Variants in PHYHIP observed in about 807,000 individuals in gnomAD.
The protein encoded by PHYHIP is phytanoyl-CoA 2-hydroxylase interacting protein, also known as phytanoyl-CoA hydroxylase-interacting protein.
Under a neutral mutation model 26.1 loss-of-function variants are expected in PHYHIP, and 7 were observed. The ratio of observed to expected loss-of-function variants is 0.27; its 90% CI spans 0.15 to 0.50. The LOEUF (loss-of-function observed/expected upper bound fraction) is 0.50. PHYHIP is among the 20% of genes least tolerant of loss of function. The probability of loss-of-function intolerance (pLI) is 0.98; values close to 1 mark genes in which losing one functional copy is unlikely to be tolerated. For synonymous variants in PHYHIP, 206 were observed against 183.4 expected, an observed-to-expected ratio of 1.12 and a Z score of -1.00; for missense variants, 232 against 454.7, an observed-to-expected ratio of 0.51 and a Z score of 4.45.
intron 1 of PHYHIP, among the ~76,000 whole-genome samples, chr8:22,229,538 C>T (rs1357811554): frequency 6.6e-6 from 1 of 152,142 alleles, no homozygotes; most frequent in African/African-American, 2.4e-5. Context: ...TCTGGCCTGG[C>T]TGGCCTAGCT....
chr8:22,221,264 A>G lies in PHYHIP; in HGVS notation c.*89T>C, dbSNP rs930528472. Reference sequence around the variant, plus strand: ...GGCAGAGTGGAGGGAGCAGGGGGGCAGGAGAGAGAAAGCCAGCTCCCTGAA... The same window carrying G: ...GGCAGAGTGGAGGGAGCAGGGGGGCGGGAGAGAGAAAGCCAGCTCCCTGAA... On this transcript the variant is annotated 3_prime_UTR_variant, in exon 5 of 5. Transcript: ENST00000454243. The surrounding 1 kb of genome is among the most constrained non-coding windows in gnomAD (Gnocchi z 7.9). 1.0e-5 allele frequency: 12 copies of G among 1,200,054 alleles called. No homozygotes were observed. The Admixed American group carries it at 1.6e-4, about 16-fold the overall frequency. The allele number at this position is 1,200,054 out of a possible 1,614,324, so 74.3% of individuals were successfully genotyped here. A position where few individuals can be genotyped will look rare whatever the true frequency, so the allele number is the denominator to read the frequency against.
Position 22,224,299 on chromosome 8 carries a change from G to C in PHYHIP, c.385C>G (p.Gln129Glu). Residue 129 changes from glutamine (Q) to glutamate (E), a missense_variant, in exon 4 of 5, where the codon CAG becomes GAG. By Grantham distance (29) the Gln-to-Glu change is conservative. Coordinates refer to ENST00000454243, the MANE Select transcript of PHYHIP (RefSeq NM_014759.5). ...HLAQLQEKAE[Q>E]IAGRMLRFSV... ...AAGCGGAGCATGCGGCCTGCGATCTGCTCAGCTTTCTCCTGAAGCTGAGCC... is the reference window on the plus strand; with the variant it reads ...AAGCGGAGCATGCGGCCTGCGATCTCCTCAGCTTTCTCCTGAAGCTGAGCC... 1 of 1,612,108 alleles carries C rather than the reference G, an allele frequency of 6.2e-7. No individual in the cohort carries two copies. Among genetic ancestry groups the C allele is most frequent in the Non-Finnish European group, 8.5e-7 (1 of 1,178,680 alleles).
At chr8:22,224,908 G>C (rs1447311045) in intron 3 of PHYHIP, among the ~76,000 whole-genome samples, 1 of 152,144 alleles carries the variant, frequency 6.6e-6, no homozygotes, top group Non-Finnish European at 1.5e-5. Flanking sequence ...AGGAGAAACA[G>C]GGAAGGCTGG....
At chr8:22,229,341 T>C (rs1829822929) in intron 1 of PHYHIP, among the ~76,000 whole-genome samples, 1 of 152,220 alleles carries the variant, frequency 6.6e-6, no homozygotes, top group African/African-American at 2.4e-5. Flanking sequence ...TGGGTGCCCA[T>C]GGTGTTTCCA....
chr8:22,223,459 T>C (rs1829675314), intron 4 of PHYHIP, among the ~76,000 whole-genome samples: 1 of 150,098 alleles, frequency 6.7e-6, no homozygotes, highest in Non-Finnish European at 1.5e-5. Context: ...CCGGGGATGG[T>C]GGGTACTCCT....
intron 4 of PHYHIP, 40 bp downstream of exon 4, chr8:22,224,186 G>T: frequency 8.4e-7 from 1 of 1,188,736 alleles, no homozygotes; most frequent in South Asian, 1.2e-5. Context: ...TGGGAGGGAG[G>T]AGAGGCCCGG....
chr8:22,231,350 C>T (rs1055274318), intron 1 of PHYHIP, among the ~76,000 whole-genome samples: 1 of 152,222 alleles, frequency 6.6e-6, no homozygotes, highest in Admixed American at 6.5e-5. Context: ...TCACGTGTGC[C>T]AGAAAGATAT....
chr8:22,221,219 G>T lies in PHYHIP; in HGVS notation c.*134C>A. The T allele has an allele frequency of 1.2e-6, 1 of 830,606 alleles. No homozygotes were observed. Among genetic ancestry groups the T allele is most frequent in the Non-Finnish European group, 1.8e-6 (1 of 552,362 alleles). 51.5% of individuals were successfully genotyped at this position (830,606 alleles called of 1,614,324 possible). A position where few individuals can be genotyped will look rare whatever the true frequency, so the allele number is the denominator to read the frequency against. ...ACCGTCTGTTGCCTCCAATGCCAAG[G>T]GGCGAGGGGAGGGCAGCTGGGCAGA... On this transcript the variant is annotated 3_prime_UTR_variant, in exon 5 of 5. Coordinates refer to ENST00000454243, the MANE Select transcript of PHYHIP (RefSeq NM_014759.5). The surrounding 1 kb of genome is among the most constrained non-coding windows in gnomAD (Gnocchi z 7.9).
intron 4 of PHYHIP, among the ~76,000 whole-genome samples, chr8:22,223,389 C>T (rs1347393056): frequency 2.0e-5 from 3 of 149,214 alleles, no homozygotes; most frequent in African/African-American, 7.5e-5. Context: ...AAAGGCAGAG[C>T]AGCTGCTTGC....
intron 1 of PHYHIP, among the ~76,000 whole-genome samples, chr8:22,229,356 G>T (rs573866030): frequency 1.3e-5 from 2 of 152,108 alleles, no homozygotes; most frequent in African/African-American, 4.8e-5. Context: ...TTTCCACCTG[G>T]CATTTTTCCT....
Position 22,221,710 on chromosome 8 carries a change from G to A in PHYHIP, c.636C>T (p.Arg212=). Residue 212 remains arginine (R), a synonymous_variant, in exon 5 of 5, where the codon CGC becomes CGT. Coordinates refer to ENST00000454243, the MANE Select transcript of PHYHIP (RefSeq NM_014759.5). This position sits in a 1 kb window ranked among gnomAD's most constrained non-coding sequence, Gnocchi z 7.9. The part of the protein sequence containing the change: ...GRWRFQIPAQ[R]LFNPSTNLYF... ...AGAGGTTGGTGCTGGGATTGAAGAGGCGCTGAGCTGGGATCTGGAAGCGCC... is the reference window on the plus strand; with the variant it reads ...AGAGGTTGGTGCTGGGATTGAAGAGACGCTGAGCTGGGATCTGGAAGCGCC... 1 of 1,613,256 alleles carries A rather than the reference G, an allele frequency of 6.2e-7. No individual in the cohort carries two copies. Among genetic ancestry groups the A allele is most frequent in the Non-Finnish European group, 8.5e-7 (1 of 1,179,796 alleles).
rs1441300350 is a variant in PHYHIP, at chr8:22,220,185, G to C, written c.*1168C>G. 1 of 152,408 alleles carries C rather than the reference G, an allele frequency of 6.6e-6. No homozygotes were observed. The highest frequency in any genetic ancestry group is 1.5e-5 in the Non-Finnish European group (1 of 68,208). 9.4% of individuals were successfully genotyped at this position (152,408 alleles called of 1,614,324 possible). ...AGCCCCTCCCACAGGCTCTCTGTTT[G>C]CTTTGTTGATTGTAGGGAGTCCACC... On this transcript the variant is annotated 3_prime_UTR_variant, in exon 5 of 5. Coordinates refer to ENST00000454243, the MANE Select transcript of PHYHIP (RefSeq NM_014759.5).
chr8:22,228,368 G>C lies in PHYHIP; in HGVS notation c.-11C>G. ...GGACAGCAGCTCCATGCTCCCGTCA[G>C]GGTTGTCTCCTGTGGGGACTGAGGA... On this transcript the variant is annotated 5_prime_UTR_variant, in exon 2 of 5. Transcript: ENST00000454243. The C allele has an allele frequency of 6.3e-7, 1 of 1,578,250 alleles. No individual in the cohort carries two copies. Among genetic ancestry groups the C allele is most frequent in the Admixed American group, 1.8e-5 (1 of 54,420 alleles).
Position 22,221,296 on chromosome 8 carries a change from C to T in PHYHIP, c.*57G>A. 13 of 1,481,828 alleles carry T rather than the reference C, an allele frequency of 8.8e-6. No individual in the cohort carries two copies. Among genetic ancestry groups the T allele is most frequent in the Non-Finnish European group, 1.2e-5 (13 of 1,106,516 alleles). The allele number at this position is 1,481,828 out of a possible 1,614,324, so 91.8% of individuals were successfully genotyped here. A position where few individuals can be genotyped will look rare whatever the true frequency, so the allele number is the denominator to read the frequency against. ...AGAAAGCCAGCTCCCTGAACCTGGG[C>T]TACCCACCTCCACCTTCCGCTCATC... On this transcript the variant is annotated 3_prime_UTR_variant, in exon 5 of 5. Coordinates refer to ENST00000454243, the MANE Select transcript of PHYHIP (RefSeq NM_014759.5). The surrounding 1 kb of genome is among the most constrained non-coding windows in gnomAD (Gnocchi z 7.9).
chr8:22,221,739 G>A lies in PHYHIP; in HGVS notation c.607C>T (p.Arg203Cys). 3.1e-6 allele frequency: 5 copies of A among 1,613,254 alleles called. No individual in the cohort carries two copies. Among genetic ancestry groups the A allele is most frequent in the Non-Finnish European group, 4.2e-6 (5 of 1,179,792 alleles). Residue 203 changes from arginine (R) to cysteine (C), a missense_variant, in exon 5 of 5, where the codon CGC becomes TGC. Coordinates refer to ENST00000454243, the MANE Select transcript of PHYHIP (RefSeq NM_014759.5). This position sits in a 1 kb window ranked among gnomAD's most constrained non-coding sequence, Gnocchi z 7.9. The part of the protein sequence containing the change: ...GQPPQDSPYG[R>C]WRFQIPAQRL... Reference sequence around the variant, plus strand: ...TGAGCTGGGATCTGGAAGCGCCAGCGGCCGTAGGGGGAGTCCTGCGGGGGC... The same window carrying A: ...TGAGCTGGGATCTGGAAGCGCCAGCAGCCGTAGGGGGAGTCCTGCGGGGGC...
intron 1 of PHYHIP, among the ~76,000 whole-genome samples, chr8:22,229,180 C>T (rs1037166234): frequency 6.6e-6 from 1 of 152,234 alleles, no homozygotes; most frequent in Admixed American, 6.5e-5. Context: ...ACAGATGAGG[C>T]GACTGAGGTT....
intron 2 of PHYHIP, 75 bp from the exon 3 acceptor site, chr8:22,227,100 TC>T: frequency 1.5e-6 from 2 of 1,307,136 alleles, no homozygotes; most frequent in Non-Finnish European, 2.1e-6. Context: ...CACCCCAGAA[TC>T]CCCACTCCCC....
At position 22,221,223 on chromosome 8, in the gene PHYHIP, G is replaced by A. The variant is rs553317607; in HGVS notation, c.*130C>T. The A allele has an allele frequency of 2.1e-5, 18 of 868,962 alleles. No individual in the cohort carries two copies. The Admixed American group carries it at 2.9e-4, about 14-fold the overall frequency. 53.8% of individuals were successfully genotyped at this position (868,962 alleles called of 1,614,324 possible). Reference sequence around the variant, plus strand: ...TCTGTTGCCTCCAATGCCAAGGGGCGAGGGGAGGGCAGCTGGGCAGAGTGG... The same window carrying A: ...TCTGTTGCCTCCAATGCCAAGGGGCAAGGGGAGGGCAGCTGGGCAGAGTGG... On this transcript the variant is annotated 3_prime_UTR_variant, in exon 5 of 5. Transcript: ENST00000454243. The surrounding 1 kb of genome is among the most constrained non-coding windows in gnomAD (Gnocchi z 7.9).
At chr8:22,224,435 G>T in intron 3 of PHYHIP, 92 bp from the exon 4 acceptor site, 1 of 749,006 alleles carries the variant, frequency 1.3e-6, no homozygotes, top group Non-Finnish European at 2.4e-6. Flanking sequence ...TGTGTGTGCC[G>T]GCCAACCTCT....
Sources: gnomAD v4.1 joint callset for allele counts (sites outside exome capture counted in the v4.1 genomes callset) on GRCh38, gnomAD v4.1.1 for gene constraint, Gnocchi (gnomAD v3.1) non-coding constraint, MANE v1.5 for transcripts, NCBI Gene and HGNC (gene_info 2026-07-23, HGNC 2026-07-21) for gene names.